The following TBC1D5 variants were observed in gnomAD, a reference collection of about 807,000 sequenced individuals.
TBC1D5 encodes the protein TBC1 domain family, member 5.
In TBC1D5, 75 loss-of-function variants were observed where a neutral mutation model predicts 100.3. That is an observed-to-expected ratio of 0.75 (90% CI 0.62 to 0.91). TBC1D5 has a LOEUF of 0.91. Ranked by LOEUF, TBC1D5 falls within the 40% of genes least tolerant of loss-of-function variation. The pLI is 0.00. For missense variants in TBC1D5, 910 were observed against 942.4 expected, an observed-to-expected ratio of 0.97 and a Z score of 0.45; for synonymous variants, 323 against 325.6, an observed-to-expected ratio of 0.99 and a Z score of 0.09.
intron 3 of TBC1D5, among the ~76,000 whole-genome samples, chr3:17,457,346 T>C (rs1256564616): frequency 1.3e-5 from 2 of 152,192 alleles, no homozygotes; most frequent in African/African-American, 4.8e-5. Flanking sequence ...CTCATGGTTC[T>C]TGGGTGTTCT....
chr3:17,383,531 G>A (rs953755306), intron 9 of TBC1D5, among the ~76,000 whole-genome samples: 1 of 151,828 alleles, frequency 6.6e-6, no homozygotes, highest in African/African-American at 2.4e-5. Context: ...AAGGTAATAG[G>A]ATACTTGATT....
intron 1 of TBC1D5, among the ~76,000 whole-genome samples, chr3:17,656,683 C>T (rs1042585335): frequency 8.5e-5 from 13 of 152,162 alleles, no homozygotes; most frequent in Non-Finnish European, 1.5e-4. Context: ...TCCTACTCTT[C>T]AGGAGTTCAT....
At chr3:17,437,668 GGA>G (rs1464530789) in intron 3 of TBC1D5, among the ~76,000 whole-genome samples, 19 of 131,604 alleles carry the variant, frequency 1.4e-4, no homozygotes, top group Middle Eastern at 8.0e-3. Context: ...GAGAGATTTG[GGA>G]GAGAGGGGGC....
intron 2 of TBC1D5, among the ~76,000 whole-genome samples, chr3:17,590,972 G>C (rs148181852): frequency 6.6e-6 from 1 of 151,960 alleles, no homozygotes; most frequent in Non-Finnish European, 1.5e-5. Flanking sequence ...AGGCACAGTG[G>C]CTCACACCTG....
intron 16 of TBC1D5, among the ~76,000 whole-genome samples, chr3:17,248,466 G>C (rs1386855661): frequency 6.6e-6 from 1 of 152,136 alleles, no homozygotes; most frequent in Non-Finnish European, 1.5e-5. Flanking sequence ...AATTTACCTT[G>C]TCCAGAACCA....
At chr3:17,468,588 T>C (rs2095336490) in intron 3 of TBC1D5, among the ~76,000 whole-genome samples, 1 of 152,162 alleles carries the variant, frequency 6.6e-6, no homozygotes, top group South Asian at 2.1e-4. Context: ...GCAAGCTCCA[T>C]GAAGGCAGGG....
chr3:17,706,930 G>A (rs887700571), intron 1 of TBC1D5, among the ~76,000 whole-genome samples: 23 of 150,280 alleles, frequency 1.5e-4, no homozygotes, highest in African/African-American at 5.5e-4. Context: ...AAGAGATATA[G>A]GTTATTATTT....
intron 3 of TBC1D5, among the ~76,000 whole-genome samples, chr3:17,447,126 A>G (rs2094817389): frequency 6.6e-6 from 1 of 152,226 alleles, no homozygotes; most frequent in African/African-American, 2.4e-5. Context: ...AGATTTAATT[A>G]CAGAAAGACC....
intron 13 of TBC1D5, among the ~76,000 whole-genome samples, chr3:17,366,307 A>C (rs1250468821): frequency 1.3e-5 from 2 of 152,018 alleles, no homozygotes; most frequent in Non-Finnish European, 2.9e-5. Context: ...AACAAACAAA[A>C]AAAAACAAAA....
At chr3:17,438,610 G>A (rs1453436839) in intron 3 of TBC1D5, among the ~76,000 whole-genome samples, 8 of 152,196 alleles carry the variant, frequency 5.3e-5, no homozygotes, top group Non-Finnish European at 8.8e-5. Flanking sequence ...CCCAAGCCAT[G>A]CAGAACAGAG....
chr3:17,667,482 T>C (rs1295054929), intron 1 of TBC1D5, among the ~76,000 whole-genome samples: 1 of 152,110 alleles, frequency 6.6e-6, no homozygotes, highest in East Asian at 1.9e-4. Flanking sequence ...TTTCTTTTTT[T>C]AATGAGACGG....
chr3:17,359,897 G>A (rs983264563), intron 13 of TBC1D5, among the ~76,000 whole-genome samples: 7 of 151,860 alleles, frequency 4.6e-5, no homozygotes, highest in African/African-American at 7.2e-5. Context: ...AAAATCCAAG[G>A]ATAAGAAAGG....
intron 3 of TBC1D5, among the ~76,000 whole-genome samples, chr3:17,455,364 G>GTA (rs895059381): frequency 6.9e-6 from 1 of 145,400 alleles, no homozygotes; most frequent in African/African-American, 2.5e-5. Flanking sequence ...GTATATGTGT[G>GTA]TATATATATG....
At chr3:17,641,536 T>TA (rs1378713836) in intron 1 of TBC1D5, among the ~76,000 whole-genome samples, 2 of 152,132 alleles carry the variant, frequency 1.3e-5, no homozygotes. Context: ...ATAAAGTGCT[T>TA]AGAAAAGTAA....
chr3:17,334,546 G>C (rs1212816137), intron 13 of TBC1D5, among the ~76,000 whole-genome samples: 2 of 151,954 alleles, frequency 1.3e-5, no homozygotes, highest in African/African-American at 4.8e-5. Flanking sequence ...AAAATGGTGG[G>C]GTCAGGATTA....
intron 13 of TBC1D5, among the ~76,000 whole-genome samples, chr3:17,321,530 A>G (rs1317414638): frequency 6.6e-6 from 1 of 152,192 alleles, no homozygotes; most frequent in Non-Finnish European, 1.5e-5. Context: ...CTTGAGATGA[A>G]TATTTAATTC....
At chr3:17,369,665 C>T (rs2092363061) in intron 13 of TBC1D5, among the ~76,000 whole-genome samples, 1 of 151,992 alleles carries the variant, frequency 6.6e-6, no homozygotes, top group Non-Finnish European at 1.5e-5. Context: ...TGTTTTTTGA[C>T]CCAAAGTTTC....
chr3:17,713,988 G>C (rs573824818), intron 1 of TBC1D5, among the ~76,000 whole-genome samples: 1 of 152,088 alleles, frequency 6.6e-6, no homozygotes. Flanking sequence ...CAAGAGAAAG[G>C]CAACTTCAAA....
At chr3:17,574,356 A>G (rs572002467) in intron 2 of TBC1D5, among the ~76,000 whole-genome samples, 4 of 152,010 alleles carry the variant, frequency 2.6e-5, no homozygotes, top group African/African-American at 9.6e-5. Context: ...ATAGGTCACT[A>G]CTGTCACCAA....
Sources: gnomAD v4.1 joint callset for allele counts (sites outside exome capture counted in the v4.1 genomes callset) on GRCh38, gnomAD v4.1.1 for gene constraint, MANE v1.5 for transcripts, NCBI Gene and HGNC (gene_info 2026-07-23, HGNC 2026-07-21) for gene names.